TBX15: variants seen among roughly 807,000 people sequenced by gnomAD.
TBX15 encodes T-box transcription factor 15.
Under a neutral mutation model 53.9 loss-of-function variants are expected in TBX15, and 18 were observed. That is an observed-to-expected ratio of 0.33 (90% CI 0.23 to 0.49). The LOEUF (loss-of-function observed/expected upper bound fraction) is 0.49, where lower values mean the gene tolerates loss of function less well. Ranked by LOEUF, TBX15 falls within the 20% of genes least tolerant of loss-of-function variation. TBX15 has a pLI of 0.98. For synonymous variants in TBX15, 295 were observed against 278.0 expected (o/e 1.06, Z -0.61); for missense variants, 692 against 749.5 (o/e 0.92, Z 0.90).
chr1:118,953,652 T>C (rs1656590101), intron 1 of TBX15, among the ~76,000 whole-genome samples: 1 of 152,222 alleles, frequency 6.6e-6, no homozygotes, highest in Admixed American at 6.5e-5. Context: ...CTGAAACCCA[T>C]GTCTTCCTAA....
intron 1 of TBX15, among the ~76,000 whole-genome samples, chr1:118,976,806 C>T (rs145060883): frequency 6.6e-6 from 1 of 152,302 alleles, no homozygotes; most frequent in East Asian, 1.9e-4. Context: ...TAACTGCGGG[C>T]TATAAACAAA....
intron 1 of TBX15, among the ~76,000 whole-genome samples, chr1:118,975,294 T>C (rs1270424198): frequency 6.6e-6 from 1 of 152,158 alleles, no homozygotes; most frequent in Non-Finnish European, 1.5e-5. Flanking sequence ...AAAAAGACCT[T>C]TACTAGCAGG....
At position 118,987,600 on chromosome 1, in the gene TBX15, G is replaced by T; in HGVS notation, c.196C>A (p.Pro66Thr). 1 of 1,547,384 alleles carries T rather than the reference G, an allele frequency of 6.5e-7. No individual in the cohort carries two copies. ...TEDAAAHGLE[P>T]HPDSEQSTGS... The stretch of plus-strand genomic sequence containing the variant: ...GCTGCGACGCACTCACCCGGGTGAG[G>T]CTCCAGGCCGTGTGCCGCCGCGTCC... The change falls in exon 1 of 8, where the codon CCT becomes ACT. Residue 66 changes from proline (P) to threonine (T), a missense_variant. Around this residue, in one of 3 missense-constraint regions of TBX15, gnomAD observed 307 missense variants for 347.5 expected, o/e 0.88. Transcript: ENST00000369429.
rs772732690 is a variant in TBX15 at position 118,884,879 on chromosome 1, C to G, written c.1662G>C (p.Glu554Asp). ...CCATCCCTGACGGCAGGTACTGCCTCTCTCCAAAGGCCCCGTTGGAAGGAG... is the reference window on the plus strand; with the variant it reads ...CCATCCCTGACGGCAGGTACTGCCTGTCTCCAAAGGCCCCGTTGGAAGGAG... ...CSSPSNGAFG[E>D]RQYLPSGMEH... The change falls in exon 8 of 8, where the codon GAG becomes GAC. Residue 554 changes from glutamate to aspartate, a missense_variant. By Grantham distance (45) the Glu-to-Asp change is conservative. Around this residue, in one of 3 missense-constraint regions of TBX15, gnomAD observed 375 missense variants for 371.6 expected, o/e 1.01. Transcript: ENST00000369429. 1 of 1,614,214 alleles carries G rather than the reference C, an allele frequency of 6.2e-7. No homozygotes were observed.
At position 118,892,138 on chromosome 1, in the gene TBX15, T is replaced by C. The variant is rs986369868; in HGVS notation, c.1025-6622A>G. Among the ~76,000 whole-genome samples the C allele has an allele frequency of 6.2e-5, 8 of 128,422 alleles. 1 individual carries two copies. Among genetic ancestry groups the C allele is most frequent in the African/African-American group, 2.0e-4 (6 of 29,412 alleles). The allele number at this position is 128,422 out of a possible 152,430, so 84.2% of individuals were successfully genotyped here. A position where few individuals can be genotyped will look rare whatever the true frequency, so the allele number is the denominator to read the frequency against. On this transcript the variant is annotated intron_variant, in intron 7 of 7. Coordinates refer to ENST00000369429, the MANE Select transcript of TBX15 (RefSeq NM_001330677.2). ...GAACAAGGGATTTCAGCTACGTAAA[T>C]AGACATCTAGCTCTGTAAAAAAAAT...
chr1:118,982,734 G>T (rs1293274504), intron 1 of TBX15, among the ~76,000 whole-genome samples: 1 of 152,176 alleles, frequency 6.6e-6, no homozygotes, highest in Non-Finnish European at 1.5e-5. Flanking sequence ...GGTATGGGAG[G>T]TGTCAGAAAA....
chr1:118,920,464 T>C (rs1655390297), intron 5 of TBX15, among the ~76,000 whole-genome samples: 1 of 152,074 alleles, frequency 6.6e-6, no homozygotes, highest in African/African-American at 2.4e-5. Context: ...CAGGCAACAG[T>C]AAAAATCTGA....
At chr1:118,893,728 T>C (rs1224429794) in intron 7 of TBX15, among the ~76,000 whole-genome samples, 3 of 152,238 alleles carry the variant, frequency 2.0e-5, no homozygotes, top group Non-Finnish European at 4.4e-5. Context: ...TTCTTTTTTC[T>C]TTTCTAATCA....
intron 1 of TBX15, among the ~76,000 whole-genome samples, chr1:118,963,840 A>C (rs527927666): frequency 1.3e-5 from 2 of 152,232 alleles, no homozygotes; most frequent in Admixed American, 6.5e-5. Flanking sequence ...GCATGATGCA[A>C]GAGTTGATAC....
intron 6 of TBX15, among the ~76,000 whole-genome samples, chr1:118,908,643 A>C (rs932413432): frequency 6.6e-6 from 1 of 152,118 alleles, no homozygotes; most frequent in African/African-American, 2.4e-5. Flanking sequence ...CCTATTGCAG[A>C]GACAATGCCT....
intron 1 of TBX15, among the ~76,000 whole-genome samples, chr1:118,984,453 G>T (rs1183588915): frequency 6.6e-6 from 1 of 152,284 alleles, no homozygotes; most frequent in Non-Finnish European, 1.5e-5. Flanking sequence ...GGGTGGAGCA[G>T]GGGCTGAGGT....
intron 6 of TBX15, among the ~76,000 whole-genome samples, chr1:118,899,760 T>C (rs535174658): frequency 6.6e-6 from 1 of 152,342 alleles, no homozygotes; most frequent in East Asian, 1.9e-4. Flanking sequence ...AAAAGACTAA[T>C]ACATTTCTCC....
chr1:118,969,449 A>G (rs937915326), intron 1 of TBX15, among the ~76,000 whole-genome samples: 2 of 152,222 alleles, frequency 1.3e-5, no homozygotes, highest in Non-Finnish European at 2.9e-5. Context: ...TTTATGGACA[A>G]TATATATCCT....
chr1:118,982,126 A>G (rs974222151), intron 1 of TBX15, among the ~76,000 whole-genome samples: 1 of 152,250 alleles, frequency 6.6e-6, no homozygotes. Flanking sequence ...AATCGAATGG[A>G]GTCCTGTTTC....
At chr1:118,985,911 C>A (rs1003028381) in intron 1 of TBX15, among the ~76,000 whole-genome samples, 4 of 152,160 alleles carry the variant, frequency 2.6e-5, no homozygotes, top group Non-Finnish European at 4.4e-5. Context: ...CTGAATGGAG[C>A]TCAGGCTAAG....
At chr1:118,901,617 T>A (rs1197888679) in intron 6 of TBX15, among the ~76,000 whole-genome samples, 2 of 152,206 alleles carry the variant, frequency 1.3e-5, no homozygotes, top group Non-Finnish European at 2.9e-5. Context: ...AGAACTGAGT[T>A]GTAAAATCAC....
chr1:118,951,574 G>A (rs1656512792), intron 1 of TBX15, among the ~76,000 whole-genome samples: 1 of 152,146 alleles, frequency 6.6e-6, no homozygotes, highest in Non-Finnish European at 1.5e-5. Context: ...GCTCTTCTTG[G>A]CAATTTTTAA....
chr1:118,896,135 T>C (rs1654415427), intron 7 of TBX15, among the ~76,000 whole-genome samples: 1 of 152,236 alleles, frequency 6.6e-6, no homozygotes, highest in Admixed American at 6.5e-5. Context: ...ATATTTCATG[T>C]GTGGCCCAAG....
chr1:118,934,634 A>G (rs2101620695), intron 1 of TBX15, among the ~76,000 whole-genome samples: 2 of 152,312 alleles, frequency 1.3e-5, no homozygotes, highest in South Asian at 2.1e-4. Flanking sequence ...TACAGTGGAG[A>G]CTATGAGCAT....
Sources: gnomAD v4.1 joint callset for allele counts (sites outside exome capture counted in the v4.1 genomes callset) on GRCh38, gnomAD v4.1.1 for gene constraint, gnomAD v4.1.1 regional missense constraint, MANE v1.5 for transcripts, NCBI Gene and HGNC (gene_info 2026-07-23, HGNC 2026-07-21) for gene names.